SLC44A5: variants seen among roughly 807,000 people sequenced by gnomAD.
The protein encoded by SLC44A5 is solute carrier family 44 member 5, also known as choline transporter-like protein 5.
A neutral mutation model predicts 101.8 loss-of-function variants in SLC44A5; 57 were observed. That is an observed-to-expected ratio of 0.56 (90% CI 0.45 to 0.70). SLC44A5 has a LOEUF of 0.70. SLC44A5 is among the 30% of genes least tolerant of loss of function. SLC44A5 has a pLI of 0.00. For missense variants in SLC44A5, 737 were observed against 853.1 expected (o/e 0.86, Z 1.70); for synonymous variants, 281 against 290.9 (o/e 0.97, Z 0.35).
At chr1:75,366,831 G>T (rs1441771236) in intron 3 of SLC44A5, among the ~76,000 whole-genome samples, 1 of 151,748 alleles carries the variant, frequency 6.6e-6, no homozygotes, top group East Asian at 1.9e-4. Flanking sequence ...AAATTTTTCA[G>T]TTCTGTCATT....
chr1:75,231,404 G>A (rs1647558037), intron 12 of SLC44A5, among the ~76,000 whole-genome samples: 2 of 152,042 alleles, frequency 1.3e-5, no homozygotes, highest in African/African-American at 4.8e-5. Context: ...TTAATGTCAC[G>A]ATTTCATAGC....
intron 2 of SLC44A5, among the ~76,000 whole-genome samples, chr1:75,409,815 T>C (rs75601360): frequency 0.026 from 3,944 of 152,234 alleles, 153 homozygotes; most frequent in African/African-American, 0.08. Flanking sequence ...TCCCAATGCC[T>C]CTTTAAGAAT....
intron 5 of SLC44A5, among the ~76,000 whole-genome samples, chr1:75,295,190 C>T (rs568488952): frequency 5.6e-4 from 83 of 147,018 alleles, no homozygotes; most frequent in Admixed American, 5.5e-4. Flanking sequence ...GCTCATAAAG[C>T]TAAAAAATTA....
At chr1:75,486,945 C>A (rs528008470) in intron 2 of SLC44A5, among the ~76,000 whole-genome samples, 64 of 152,156 alleles carry the variant, frequency 4.2e-4, no homozygotes, top group African/African-American at 1.4e-3. Flanking sequence ...GAATTTAGGT[C>A]ATGTGAAGGA....
chr1:75,560,869 T>C (rs1672480103), intron 1 of SLC44A5, among the ~76,000 whole-genome samples: 1 of 152,220 alleles, frequency 6.6e-6, no homozygotes, highest in African/African-American at 2.4e-5. Flanking sequence ...CTTTTAAAGG[T>C]ATGTTTTCAG....
chr1:75,662,290 A>T, the SLC44A5 span, among the ~76,000 whole-genome samples: 1 of 152,200 alleles, frequency 6.6e-6, no homozygotes, highest in South Asian at 2.1e-4. Flanking sequence ...ATATTTGGGA[A>T]CTAAAAATAT....
At chr1:75,633,599 A>G in the SLC44A5 span, among the ~76,000 whole-genome samples, 1 of 152,122 alleles carries the variant, frequency 6.6e-6, no homozygotes, top group Non-Finnish European at 1.5e-5. Context: ...GAAGTTGCCT[A>G]TCAGCTTAAG....
chr1:75,412,021 C>A (rs1570190491), intron 2 of SLC44A5, among the ~76,000 whole-genome samples: 1 of 152,186 alleles, frequency 6.6e-6, no homozygotes, highest in East Asian at 1.9e-4. Context: ...TGACAGTTTT[C>A]AGCCTACTTT....
chr1:75,236,166 T>C (rs1648060296), intron 11 of SLC44A5, among the ~76,000 whole-genome samples: 1 of 152,056 alleles, frequency 6.6e-6, no homozygotes, highest in African/African-American at 2.4e-5. Context: ...ATTTGATATG[T>C]TTAGAATATA....
At chr1:75,428,382 T>C (rs1664429490) in intron 2 of SLC44A5, among the ~76,000 whole-genome samples, 1 of 152,222 alleles carries the variant, frequency 6.6e-6, no homozygotes, top group South Asian at 2.1e-4. Context: ...GCCTCTGTAT[T>C]TGTCCATCAA....
At chr1:75,557,335 T>C (rs2101997659) in intron 1 of SLC44A5, among the ~76,000 whole-genome samples, 1 of 152,242 alleles carries the variant, frequency 6.6e-6, no homozygotes, top group South Asian at 2.1e-4. Flanking sequence ...AGATGACTTT[T>C]TAGAGTAGCA....
intron 2 of SLC44A5, among the ~76,000 whole-genome samples, chr1:75,405,445 C>G (rs951562527): frequency 2.0e-5 from 3 of 152,116 alleles, no homozygotes; most frequent in African/African-American, 7.2e-5. Context: ...AAATTGACCA[C>G]ATAATTGGAA....
chr1:75,327,771 T>A (rs1466688625), intron 4 of SLC44A5, among the ~76,000 whole-genome samples: 3 of 152,186 alleles, frequency 2.0e-5, no homozygotes, highest in African/African-American at 7.2e-5. Flanking sequence ...TCCTCACAGG[T>A]CTAACTAGAA....
chr1:75,635,720 A>G, the SLC44A5 span, among the ~76,000 whole-genome samples: 11 of 151,280 alleles, frequency 7.3e-5, no homozygotes, highest in South Asian at 2.1e-4. Context: ...TGACGAGTTA[A>G]TGGGTGCATC....
the SLC44A5 span, among the ~76,000 whole-genome samples, chr1:75,632,231 T>C: frequency 1.3e-5 from 2 of 152,198 alleles, no homozygotes; most frequent in African/African-American, 4.8e-5. Context: ...CCTTGCCTCT[T>C]CAGTACAGAC....
At chr1:75,635,037 A>C in the SLC44A5 span, among the ~76,000 whole-genome samples, 1 of 150,728 alleles carries the variant, frequency 6.6e-6, no homozygotes, top group East Asian at 2.0e-4. Context: ...ACATTTATGC[A>C]GCCAACAGAC....
chr1:75,673,670 A>G, the SLC44A5 span, among the ~76,000 whole-genome samples: 1 of 152,166 alleles, frequency 6.6e-6, no homozygotes, highest in Admixed American at 6.5e-5. Flanking sequence ...GCTGGCGACC[A>G]CAAGAGTGCT....
intron 6 of SLC44A5, among the ~76,000 whole-genome samples, chr1:75,262,564 A>G (rs567623479): frequency 2.6e-5 from 4 of 152,196 alleles, no homozygotes; most frequent in African/African-American, 7.2e-5. Flanking sequence ...TCCCAAAGTA[A>G]TTTATAGATT....
At chr1:75,625,954 C>A in the SLC44A5 span, among the ~76,000 whole-genome samples, 1 of 152,068 alleles carries the variant, frequency 6.6e-6, no homozygotes, top group East Asian at 1.9e-4. Flanking sequence ...CTGTGCGCTT[C>A]TAGTTTCTCT....
Sources: allele counts gnomAD v4.1 joint callset (sites outside exome capture counted in the v4.1 genomes callset), GRCh38; gene constraint gnomAD v4.1.1; transcripts MANE v1.5; gene names NCBI Gene and HGNC (gene_info 2026-07-23, HGNC 2026-07-21).